Variants in C1orf21 observed in about 807,000 individuals in gnomAD.
C1orf21 encodes uncharacterized protein C1orf21.
Under a neutral mutation model 18.7 loss-of-function variants are expected in C1orf21, and 3 were observed. That is an observed-to-expected ratio of 0.16 (90% CI 0.07 to 0.42). The LOEUF is 0.42. Ranked by LOEUF, C1orf21 falls within the 10% of genes least tolerant of loss-of-function variation. C1orf21 has a pLI of 0.99. For synonymous variants in C1orf21, 41 were observed against 46.4 expected (o/e 0.88, Z 0.47); for missense variants, 104 against 143.6 (o/e 0.72, Z 1.41).
intron 3 of C1orf21, chr1:184,567,930 G>A (rs186785134): frequency 5.0e-6 from 1 of 199,000 alleles, no homozygotes; most frequent in Admixed American, 5.6e-5. Context: ...AAATTCCAGA[G>A]ATGACCTCAA....
At chr1:184,458,513 A>T (rs1373766013) in intron 1 of C1orf21, among the ~76,000 whole-genome samples, 6 of 152,166 alleles carry the variant, frequency 3.9e-5, no homozygotes, top group Non-Finnish European at 5.9e-5. Context: ...AAGCCATAAG[A>T]ACTATATATT....
At chr1:184,565,884 A>G (rs756725615) in intron 3 of C1orf21, among the ~76,000 whole-genome samples, 2 of 152,176 alleles carry the variant, frequency 1.3e-5, no homozygotes, top group Non-Finnish European at 2.9e-5. Flanking sequence ...CTACAAGTAA[A>G]TATTTTAACC....
At chr1:184,419,417 C>T (rs569698629) in intron 1 of C1orf21, among the ~76,000 whole-genome samples, 1 of 152,160 alleles carries the variant, frequency 6.6e-6, no homozygotes, top group South Asian at 2.1e-4. Context: ...TATTGAATTC[C>T]TTATGGAGTC....
rs1411694033 is a variant in C1orf21, at chr1:184,621,517, C to G, written c.*1961C>G. 1 of 152,660 alleles carries G rather than the reference C, an allele frequency of 6.6e-6. No individual in the cohort carries two copies. Among genetic ancestry groups the G allele is most frequent in the Non-Finnish European group, 1.5e-5 (1 of 68,054 alleles). 9.5% of individuals were successfully genotyped at this position (152,660 alleles called of 1,614,324 possible). On this transcript the variant is annotated 3_prime_UTR_variant, in exon 6 of 6. Transcript: ENST00000235307. The stretch of plus-strand genomic sequence containing the variant: ...CTAAGCCCCACCTCAAACTTGTTCA[C>G]TGGGGACTTTGCTTACCGTTCTGTG...
intron 3 of C1orf21, among the ~76,000 whole-genome samples, chr1:184,588,399 T>A (rs755623929): frequency 6.6e-6 from 1 of 152,154 alleles, no homozygotes; most frequent in Non-Finnish European, 1.5e-5. Context: ...TACAATGAAA[T>A]GTGTCAAAAT....
chr1:184,432,077 G>A (rs935967765), intron 1 of C1orf21, among the ~76,000 whole-genome samples: 1 of 152,202 alleles, frequency 6.6e-6, no homozygotes, highest in African/African-American at 2.4e-5. Flanking sequence ...TGTTGTGGGA[G>A]TGTACATTAG....
At chr1:184,542,393 A>G (rs1658667631) in intron 3 of C1orf21, among the ~76,000 whole-genome samples, 1 of 152,214 alleles carries the variant, frequency 6.6e-6, no homozygotes, top group Non-Finnish European at 1.5e-5. Flanking sequence ...ATGGAGCTAG[A>G]TTCAAACCCA....
At chr1:184,537,711 T>C (rs953356367) in intron 3 of C1orf21, among the ~76,000 whole-genome samples, 1 of 152,112 alleles carries the variant, frequency 6.6e-6, no homozygotes, top group Non-Finnish European at 1.5e-5. Flanking sequence ...AGTGCAATGG[T>C]GTGATCTTGG....
chr1:184,577,947 G>GTTTTGTTTTTTTTTTTTT (rs1571285782), intron 3 of C1orf21, among the ~76,000 whole-genome samples: 13 of 86,736 alleles, frequency 1.5e-4, no homozygotes, highest in African/African-American at 3.3e-4. Flanking sequence ...TTTTTGTTTT[G>GTTTTGTTTTTTTTTTTTT]TTTTTGTTTT....
chr1:184,552,128 C>T (rs1658822035), intron 3 of C1orf21, among the ~76,000 whole-genome samples: 1 of 151,900 alleles, frequency 6.6e-6, no homozygotes, highest in Non-Finnish European at 1.5e-5. Flanking sequence ...TGTTGCAATA[C>T]CATAGTAACT....
At chr1:184,393,054 C>A (rs1328113674) in intron 1 of C1orf21, among the ~76,000 whole-genome samples, 1 of 151,938 alleles carries the variant, frequency 6.6e-6, no homozygotes, top group Non-Finnish European at 1.5e-5. Context: ...GTCTGGAACT[C>A]CTGAGCTCAA....
At chr1:184,509,221 C>T (rs1658110011) in intron 3 of C1orf21, among the ~76,000 whole-genome samples, 1 of 152,168 alleles carries the variant, frequency 6.6e-6, no homozygotes, top group Non-Finnish European at 1.5e-5. Flanking sequence ...GTGCTTTCAT[C>T]ATCATATTTA....
intron 2 of C1orf21, among the ~76,000 whole-genome samples, chr1:184,494,907 C>A (rs1431362206): frequency 4.0e-5 from 6 of 149,042 alleles, no homozygotes; most frequent in Non-Finnish European, 1.5e-5. Context: ...ATAAAAAGAA[C>A]ATCATTAACA....
intron 1 of C1orf21, among the ~76,000 whole-genome samples, chr1:184,392,631 C>A (rs1472754792): frequency 6.6e-6 from 1 of 152,014 alleles, no homozygotes; most frequent in African/African-American, 2.4e-5. Flanking sequence ...AAGTTGAGAC[C>A]TGTTAGTGCA....
chr1:184,463,166 G>A (rs1657334632), intron 1 of C1orf21, among the ~76,000 whole-genome samples: 1 of 151,766 alleles, frequency 6.6e-6, no homozygotes, highest in Admixed American at 6.6e-5. Flanking sequence ...TTGTAGAGCT[G>A]TGGCATCAGC....
At position 184,628,553 on chromosome 1, in the gene C1orf21, A is replaced by G. The variant is rs955641871; in HGVS notation, c.*8997A>G. 1 of 152,540 alleles carries G rather than the reference A, an allele frequency of 6.6e-6. No individual in the cohort carries two copies. The highest frequency in any genetic ancestry group is 2.4e-5 in the African/African-American group (1 of 41,440). 9.4% of individuals were successfully genotyped at this position (152,540 alleles called of 1,614,324 possible). ...CAGAATAAGAAAGTCCTAAGGCAGAATCCCCAGGAACTTCAAATCTGGGAG... is the reference window on the plus strand; with the variant it reads ...CAGAATAAGAAAGTCCTAAGGCAGAGTCCCCAGGAACTTCAAATCTGGGAG... On this transcript the variant is annotated 3_prime_UTR_variant, in exon 6 of 6. Transcript: ENST00000235307.
chr1:184,589,749 A>T (rs140194650), intron 3 of C1orf21, among the ~76,000 whole-genome samples: 12 of 152,218 alleles, frequency 7.9e-5, no homozygotes, highest in Non-Finnish European at 1.5e-4. Flanking sequence ...CAACTAGAAT[A>T]TGTAAGTCAT....
chr1:184,512,933 C>T (rs772461324), intron 3 of C1orf21, among the ~76,000 whole-genome samples: 11 of 152,182 alleles, frequency 7.2e-5, no homozygotes, highest in African/African-American at 9.7e-5. Context: ...ACCTGAGCTC[C>T]GCCTTCTGTC....
At chr1:184,549,691 C>T (rs1287972205) in intron 3 of C1orf21, among the ~76,000 whole-genome samples, 3 of 151,816 alleles carry the variant, frequency 2.0e-5, no homozygotes, top group African/African-American at 7.3e-5. Flanking sequence ...GACTGCCAAC[C>T]AGGCAGTTCT....
Sources: allele counts gnomAD v4.1 joint callset (sites outside exome capture counted in the v4.1 genomes callset), GRCh38; gene constraint gnomAD v4.1.1; transcripts MANE v1.5; gene names NCBI Gene and HGNC (gene_info 2026-07-23, HGNC 2026-07-21).